Variants in NOX4 observed in about 807,000 individuals in gnomAD.
NOX4 encodes the protein kidney oxidase-1.
Under a neutral mutation model 87.6 loss-of-function variants are expected in NOX4, and 69 were observed. That is an observed-to-expected ratio of 0.79 (90% CI 0.65 to 0.96). The LOEUF is 0.96. Ranked by LOEUF, NOX4 falls within the 40% of genes least tolerant of loss-of-function variation. The pLI is 0.00. For synonymous variants in NOX4, 275 were observed against 238.2 expected (o/e 1.15, Z -1.42); for missense variants, 680 against 681.5 (o/e 1.00, Z 0.02).
chr11:89,532,246 G>A, the NOX4 span, among the ~76,000 whole-genome samples: 3 of 152,150 alleles, frequency 2.0e-5, no homozygotes, highest in African/African-American at 7.2e-5. Flanking sequence ...AAAAACTGCA[G>A]GCACTCAACA....
intron 16 of NOX4, among the ~76,000 whole-genome samples, chr11:89,336,248 G>T (rs1945711293): frequency 6.6e-6 from 1 of 151,848 alleles, no homozygotes; most frequent in Non-Finnish European, 1.5e-5. Context: ...TAATCTCCTT[G>T]AATGCCATTC....
At chr11:89,409,462 G>A (rs1230642311) in intron 8 of NOX4, among the ~76,000 whole-genome samples, 3 of 152,056 alleles carry the variant, frequency 2.0e-5, no homozygotes, top group East Asian at 1.9e-4. Context: ...ACATAAAAAT[G>A]TTCTGTATAT....
the NOX4 span, among the ~76,000 whole-genome samples, chr11:89,583,515 G>C: frequency 4.7e-4 from 71 of 152,176 alleles, no homozygotes; most frequent in African/African-American, 1.6e-3. Flanking sequence ...TTCCATTCCA[G>C]TGGCAACAAA....
At chr11:89,506,588 G>A in the NOX4 span, among the ~76,000 whole-genome samples, 1 of 151,642 alleles carries the variant, frequency 6.6e-6, no homozygotes, top group Non-Finnish European at 1.5e-5. Flanking sequence ...GATGTTAGAG[G>A]TCATTAAAGT....
intron 8 of NOX4, among the ~76,000 whole-genome samples, chr11:89,412,498 A>G (rs1942530799): frequency 6.6e-6 from 1 of 152,152 alleles, no homozygotes; most frequent in Admixed American, 6.6e-5. Context: ...CTAGAAATCA[A>G]TAAGAGGAAT....
chr11:89,520,377 C>T, the NOX4 span, among the ~76,000 whole-genome samples: 2 of 152,154 alleles, frequency 1.3e-5, no homozygotes, highest in African/African-American at 4.8e-5. Flanking sequence ...AGGAATTATA[C>T]TTCAAAGCAT....
intron 11 of NOX4, among the ~76,000 whole-genome samples, chr11:89,389,509 G>A (rs1215026585): frequency 6.6e-6 from 1 of 152,046 alleles, no homozygotes; most frequent in African/African-American, 2.4e-5. Context: ...ATAAGTATTA[G>A]ACTTTTTAAA....
At chr11:89,486,578 G>A (rs534471592) in intron 2 of NOX4, among the ~76,000 whole-genome samples, 4 of 112,406 alleles carry the variant, frequency 3.6e-5, no homozygotes, top group African/African-American at 1.8e-4. Flanking sequence ...ACATATATAT[G>A]TGTGTATATA....
chr11:89,567,574 T>A, the NOX4 span, among the ~76,000 whole-genome samples: 3 of 152,156 alleles, frequency 2.0e-5, no homozygotes, highest in African/African-American at 7.2e-5. Flanking sequence ...TTTCTTCACA[T>A]GGTGGCAGAA....
intron 8 of NOX4, among the ~76,000 whole-genome samples, chr11:89,408,972 C>T (rs1400737473): frequency 6.6e-6 from 1 of 152,102 alleles, no homozygotes; most frequent in East Asian, 1.9e-4. Flanking sequence ...ACATTTACAA[C>T]TTCCTTGAGT....
At chr11:89,574,650 T>C in the NOX4 span, among the ~76,000 whole-genome samples, 1 of 152,240 alleles carries the variant, frequency 6.6e-6, no homozygotes, top group Non-Finnish European at 1.5e-5. Context: ...AAGAATTATC[T>C]TATTTTCTGT....
At chr11:89,405,116 T>TGTGTGTGTGTGTGTGTGTG (rs1942097681) in intron 8 of NOX4, among the ~76,000 whole-genome samples, 7 of 44,100 alleles carry the variant, frequency 1.6e-4, no homozygotes, top group Admixed American at 5.4e-4. Context: ...GTGTGTGTGT[T>TGTGTGTGTGTGTGTGTGTG]GGAATGGGGC....
intron 2 of NOX4, among the ~76,000 whole-genome samples, chr11:89,462,803 T>C (rs528711495): frequency 6.6e-6 from 1 of 151,934 alleles, no homozygotes; most frequent in Admixed American, 6.6e-5. Context: ...TCTCAAGACA[T>C]AAAAAGTTAG....
chr11:89,446,984 A>G (rs558305033), intron 4 of NOX4, among the ~76,000 whole-genome samples: 11 of 152,146 alleles, frequency 7.2e-5, no homozygotes, highest in Non-Finnish European at 1.0e-4. Flanking sequence ...GACAAATGAT[A>G]TACAAAAACT....
At chr11:89,538,985 G>A in the NOX4 span, among the ~76,000 whole-genome samples, 9 of 152,150 alleles carry the variant, frequency 5.9e-5, no homozygotes, top group East Asian at 1.7e-3. Context: ...AGGCCAGAGA[G>A]CTTGCACTCT....
intron 2 of NOX4, among the ~76,000 whole-genome samples, chr11:89,469,305 A>AT: frequency 6.6e-6 from 1 of 152,272 alleles, no homozygotes; most frequent in African/African-American, 2.4e-5. Flanking sequence ...ATAATTGGTC[A>AT]TTTTTCTGGG....
At chr11:89,421,313 T>C (rs1025430886) in intron 8 of NOX4, among the ~76,000 whole-genome samples, 4 of 152,190 alleles carry the variant, frequency 2.6e-5, no homozygotes, top group Non-Finnish European at 4.4e-5. Flanking sequence ...TTAAGCACCA[T>C]GTTTTTGAGT....
the NOX4 span, chr11:89,548,721 A>T: frequency 1.3e-5 from 2 of 152,152 alleles, no homozygotes; most frequent in Non-Finnish European, 2.9e-5. Flanking sequence ...ATACTTGGAG[A>T]TAATTATTTG....
chr11:89,582,097 C>G, the NOX4 span, among the ~76,000 whole-genome samples: 1 of 152,080 alleles, frequency 6.6e-6, no homozygotes, highest in Non-Finnish European at 1.5e-5. Context: ...ATTTTAGATT[C>G]CTCATAAAAG....
Sources: allele counts gnomAD v4.1 joint callset (sites outside exome capture counted in the v4.1 genomes callset), GRCh38; gene constraint gnomAD v4.1.1; transcripts MANE v1.5; gene names NCBI Gene and HGNC (gene_info 2026-07-23, HGNC 2026-07-21).